Variants in VRK3 observed in about 807,000 individuals in gnomAD.
The protein encoded by VRK3 is VRK serine/threonine kinase 3, also known as serine/threonine-protein kinase VRK3.
A neutral mutation model predicts 60.4 loss-of-function variants in VRK3; 50 were observed. The observed-to-expected ratio is 0.83, with a 90% CI of 0.66 to 1.05. The LOEUF (loss-of-function observed/expected upper bound fraction) is 1.05, where lower values mean the gene tolerates loss of function less well. VRK3 is among the 50% of genes least tolerant of loss of function. The probability of loss-of-function intolerance (pLI) is 0.00; values close to 1 mark genes in which losing one functional copy is unlikely to be tolerated. For missense variants in VRK3, 549 were observed against 585.3 expected, an observed-to-expected ratio of 0.94 and a Z score of 0.64; for synonymous variants, 246 against 227.8, an observed-to-expected ratio of 1.08 and a Z score of -0.72.
At chr19:49,990,985 C>T (rs8102635) in intron 10 of VRK3, among the ~76,000 whole-genome samples, 7,938 of 151,608 alleles carry the variant, frequency 0.052, 684 homozygotes, top group African/African-American at 0.18. Context: ...GATGAGGTTC[C>T]CTATGTTTCC....
At chr19:50,019,034 A>C (rs887373458) in intron 2 of VRK3, 1 of 151,142 alleles carries the variant, frequency 6.6e-6, no homozygotes, top group Non-Finnish European at 1.5e-5. Context: ...GCGCGGTGGC[A>C]GGCGCCTGTA....
chr19:50,004,161 C>T (rs1316337428), intron 5 of VRK3, among the ~76,000 whole-genome samples: 1 of 152,154 alleles, frequency 6.6e-6, no homozygotes, highest in Admixed American at 6.5e-5. Context: ...CCACATTGGC[C>T]CAGAGTAGCT....
chr19:50,016,322 G>A (rs1417975523), intron 2 of VRK3, among the ~76,000 whole-genome samples, 159 bp from the exon 3 acceptor site: 3 of 152,240 alleles, frequency 2.0e-5, no homozygotes, highest in Non-Finnish European at 4.4e-5. Flanking sequence ...CAATGGGAAT[G>A]GGAGTGACAG....
chr19:49,996,219 C>CTT (rs34570672), intron 7 of VRK3, among the ~76,000 whole-genome samples: 9 of 147,446 alleles, frequency 6.1e-5, no homozygotes, highest in African/African-American at 2.2e-4. Context: ...CACGCCCGGC[C>CTT]TTTTTTTTTT....
intron 12 of VRK3, chr19:49,988,063 GAA>G: frequency 4.5e-6 from 1 of 221,600 alleles, no homozygotes; most frequent in Non-Finnish European, 9.3e-6. Flanking sequence ...TGACTTCCCT[GAA>G]CTCTTTGCAG....
Position 49,979,095 on chromosome 19 carries a change from T to C in VRK3, c.1424A>G (p.Ter475TrpextTer17), listed in dbSNP as rs1445051406. Reference sequence around the variant, plus strand: ...AAGCTCTTCCCACCTGGATTCCACCTAGGGCACCATCGGGAGGCCAATGGG... The same window carrying C: ...AAGCTCTTCCCACCTGGATTCCACCCAGGGCACCATCGGGAGGCCAATGGG... ...YDPIGLPMVP[*>W] Residue 475 changes from the stop codon to tryptophan (W), a stop_lost, in exon 14 of 15, where the codon TAG (stop) becomes TGG (tryptophan). Coordinates refer to ENST00000316763, the MANE Select transcript of VRK3 (RefSeq NM_016440.4). 6.2e-7 allele frequency: 1 copy of C among 1,606,688 alleles called. No individual in the cohort carries two copies. The highest frequency in any genetic ancestry group is 8.5e-7 in the Non-Finnish European group (1 of 1,175,168).
chr19:49,997,977 C>T (rs948131364), intron 6 of VRK3: 2 of 155,862 alleles, frequency 1.3e-5, no homozygotes, highest in East Asian at 1.9e-4. Flanking sequence ...TTCCAGCTGG[C>T]TGCAACGCAG....
chr19:50,007,499 A>G, intron 5 of VRK3, 70 bp downstream of exon 5: 1 of 1,590,880 alleles, frequency 6.3e-7, no homozygotes, highest in Non-Finnish European at 8.6e-7. Context: ...CCATTCTCAG[A>G]ACGGGGTCCC....
At chr19:50,000,977 T>C in intron 5 of VRK3, 123 bp from the exon 6 acceptor site, 1 of 821,394 alleles carries the variant, frequency 1.2e-6, no homozygotes, top group Non-Finnish European at 1.9e-6. Flanking sequence ...TCAAGCGCAC[T>C]CTTGGCTCTC....
intron 5 of VRK3, among the ~76,000 whole-genome samples, chr19:50,006,416 C>CA (rs1238043953): frequency 6.6e-6 from 1 of 151,558 alleles, no homozygotes; most frequent in East Asian, 1.9e-4. Context: ...CGCTCTGTCA[C>CA]CCAGGATGGA....
chr19:50,016,006 C>T lies in VRK3; in HGVS notation c.139+18G>A, dbSNP rs750251219. ...CTTATTCCCACCGCAGAAACAGGCT[C>T]AATGCTCTGGTTCTTACCTTGGAAG... On this transcript the variant is annotated intron_variant, in intron 3 of 14. Transcript: ENST00000316763. The T allele has an allele frequency of 6.2e-7, 1 of 1,614,128 alleles. No homozygotes were observed. Among genetic ancestry groups the T allele is most frequent in the South Asian group, 1.1e-5 (1 of 91,076 alleles).
intron 12 of VRK3, among the ~76,000 whole-genome samples, chr19:49,985,756 C>T (rs1456956549): frequency 1.3e-5 from 2 of 152,172 alleles, no homozygotes; most frequent in African/African-American, 4.8e-5. Context: ...GAGTCTAGCA[C>T]ATGGCAAGGG....
chr19:49,988,415 T>G lies in VRK3; in HGVS notation c.1174A>C (p.Asn392His), dbSNP rs774230041. Reference protein sequence around the residue: ...KWLYGFLPWTNCLPNTEDIMK... With the variant: ...KWLYGFLPWTHCLPNTEDIMK... ...ATGTCCTCAGTGTTGGGAAGGCAATTTGTCCATGGCAGAAACCCGTAGAGC... is the reference window on the plus strand; with the variant it reads ...ATGTCCTCAGTGTTGGGAAGGCAATGTGTCCATGGCAGAAACCCGTAGAGC... The change falls in exon 12 of 15, where the codon AAT (asparagine) becomes CAT (histidine). Residue 392 changes from asparagine (N) to histidine (H), a missense_variant. Physicochemically the swap from Asn to His is moderately conservative, Grantham distance 68 (BLOSUM62 1). Transcript: ENST00000316763. 1 of 1,613,424 alleles carries G rather than the reference T, an allele frequency of 6.2e-7. No homozygotes were observed. The highest frequency in any genetic ancestry group is 1.3e-5 in the African/African-American group (1 of 74,886).
intron 12 of VRK3, chr19:49,988,039 G>A: frequency 5.0e-6 from 1 of 198,964 alleles, no homozygotes; most frequent in South Asian, 9.1e-5. Flanking sequence ...CCTGTGCTAA[G>A]TGCTGTGTGC....
At chr19:49,977,101 G>C (rs1004562181) in intron 14 of VRK3, among the ~76,000 whole-genome samples, 1 of 152,102 alleles carries the variant, frequency 6.6e-6, no homozygotes, top group Admixed American at 6.5e-5. Flanking sequence ...CGGGTCTTGA[G>C]AAGCAGCAGG....
At chr19:50,001,864 G>C (rs2076812788) in intron 5 of VRK3, among the ~76,000 whole-genome samples, 1 of 152,086 alleles carries the variant, frequency 6.6e-6, no homozygotes, top group Non-Finnish European at 1.5e-5. Context: ...CCCCGAGACT[G>C]GCTGCAAGGA....
chr19:50,017,824 AT>A (rs1225117548), intron 2 of VRK3, among the ~76,000 whole-genome samples: 2 of 151,902 alleles, frequency 1.3e-5, no homozygotes, highest in Non-Finnish European at 1.5e-5. Context: ...CAACTGACTA[AT>A]TTTTTAAGTT....
intron 9 of VRK3, among the ~76,000 whole-genome samples, chr19:49,994,138 C>T (rs1276032458): frequency 1.3e-5 from 2 of 152,162 alleles, no homozygotes; most frequent in South Asian, 2.1e-4. Flanking sequence ...CTCAGCATGT[C>T]GCTCCCTTGG....
At chr19:50,001,985 G>A (rs928940223) in intron 5 of VRK3, among the ~76,000 whole-genome samples, 8 of 152,104 alleles carry the variant, frequency 5.3e-5, no homozygotes, top group South Asian at 2.1e-4. Flanking sequence ...AGCCCAGCAC[G>A]GACCCTGGCA....
Sources: gnomAD v4.1 joint callset for allele counts (sites outside exome capture counted in the v4.1 genomes callset) on GRCh38, gnomAD v4.1.1 for gene constraint, MANE v1.5 for transcripts, NCBI Gene and HGNC (gene_info 2026-07-23, HGNC 2026-07-21) for gene names.